The following ADORA2B variants were observed in gnomAD, a reference collection of about 807,000 sequenced individuals.
ADORA2B encodes adenosine receptor A2b.
Under a neutral mutation model 20.8 loss-of-function variants are expected in ADORA2B, and 18 were observed. The observed-to-expected ratio is 0.87, with a 90% confidence interval of 0.60 to 1.29. The LOEUF (loss-of-function observed/expected upper bound fraction) is 1.29. ADORA2B is among the 50% of genes most tolerant of loss of function. The pLI, the probability that ADORA2B is intolerant of heterozygous loss-of-function variation, is 0.00. For missense variants in ADORA2B, 441 were observed against 422.7 expected (o/e 1.04, Z -0.38); for synonymous variants, 179 against 178.3 (o/e 1.00, Z -0.03).
chr17:15,862,904 T>C, the ADORA2B span, among the ~76,000 whole-genome samples: 1 of 151,924 alleles, frequency 6.6e-6, no homozygotes, highest in Non-Finnish European at 1.5e-5. Flanking sequence ...TAGTAGTAGC[T>C]TTTTAATACA....
intron 1 of ADORA2B, among the ~76,000 whole-genome samples, chr17:15,963,063 A>G (rs1476630825): frequency 6.6e-6 from 1 of 152,168 alleles, no homozygotes; most frequent in East Asian, 1.9e-4. Flanking sequence ...CTACTGGAGT[A>G]TCCTTTTTTC....
the ADORA2B span, among the ~76,000 whole-genome samples, chr17:15,918,738 G>A: frequency 6.6e-5 from 10 of 152,184 alleles, no homozygotes; most frequent in Admixed American, 5.9e-4. Flanking sequence ...CCAAAGTGCT[G>A]GGATTCAGGT....
At chr17:15,871,842 CT>C in the ADORA2B span, among the ~76,000 whole-genome samples, 4 of 152,162 alleles carry the variant, frequency 2.6e-5, no homozygotes, top group Non-Finnish European at 4.4e-5. Flanking sequence ...GCTTTGTGTC[CT>C]TTCACTGTAA....
chr17:15,883,452 A>G, the ADORA2B span, among the ~76,000 whole-genome samples: 1 of 152,206 alleles, frequency 6.6e-6, no homozygotes. Context: ...TTTTCAAGCC[A>G]TGGTGGCAGG....
At chr17:15,944,458 G>GGAT (rs2151589708), upstream of ADORA2B, among the ~76,000 whole-genome samples, 1 of 152,316 alleles carries the variant, frequency 6.6e-6, no homozygotes, top group African/African-American at 2.4e-5. This position sits in a 1 kb window ranked among gnomAD's most constrained non-coding sequence, Gnocchi z 4.8. Context: ...CGGTGGACGA[G>GGAT]GATGGGACGG....
the ADORA2B span, among the ~76,000 whole-genome samples, chr17:15,891,723 C>T: frequency 1.3e-5 from 2 of 152,026 alleles, no homozygotes; most frequent in Admixed American, 1.3e-4. Context: ...GCTTTGTCAC[C>T]CAGGGTGGAG....
At chr17:15,934,190 C>A in the ADORA2B span, among the ~76,000 whole-genome samples, 5 of 151,998 alleles carry the variant, frequency 3.3e-5, no homozygotes, top group South Asian at 2.1e-4. Flanking sequence ...ACTTAGCATT[C>A]CTGAGATAAA....
the ADORA2B span, among the ~76,000 whole-genome samples, chr17:15,851,896 C>G: frequency 2.6e-5 from 4 of 152,172 alleles, no homozygotes; most frequent in Non-Finnish European, 4.4e-5. Flanking sequence ...CCCACTCATA[C>G]CATGCAAGGT....
At chr17:15,960,948 AC>A (rs765545393) in intron 1 of ADORA2B, among the ~76,000 whole-genome samples, 15 of 151,226 alleles carry the variant, frequency 9.9e-5, no homozygotes, top group Non-Finnish European at 1.6e-4. Context: ...CGGGCGATTC[AC>A]GAGTTCAGGA....
chr17:15,962,260 GCCACTGCACTC>G (rs1283521342), intron 1 of ADORA2B, among the ~76,000 whole-genome samples: 2 of 152,020 alleles, frequency 1.3e-5, no homozygotes, highest in African/African-American at 4.8e-5. Flanking sequence ...CCAAGATCGC[GCCACTGCACTC>G]CATCCTGGGC....
chr17:15,875,911 T>G, the ADORA2B span, among the ~76,000 whole-genome samples: 1 of 152,358 alleles, frequency 6.6e-6, no homozygotes, highest in African/African-American at 2.4e-5. Context: ...TAAATGTCAC[T>G]AATTCAACCC....
At chr17:15,896,560 A>G in the ADORA2B span, among the ~76,000 whole-genome samples, 1 of 152,220 alleles carries the variant, frequency 6.6e-6, no homozygotes, top group East Asian at 1.9e-4. Context: ...AAAATATAAT[A>G]GAGGGGTTGA....
At chr17:15,926,542 C>T in the ADORA2B span, among the ~76,000 whole-genome samples, 1 of 151,714 alleles carries the variant, frequency 6.6e-6, no homozygotes, top group Non-Finnish European at 1.5e-5. Context: ...CAGGGACATA[C>T]TGGTTCACTG....
the ADORA2B span, among the ~76,000 whole-genome samples, chr17:15,886,209 C>T: frequency 6.6e-6 from 1 of 152,182 alleles, no homozygotes; most frequent in South Asian, 2.1e-4. Context: ...ACTTTTGTCT[C>T]CCAGGCTCCC....
Position 15,974,869 on chromosome 17 carries a change from G to T in ADORA2B, c.526G>T (p.Val176Leu). 6.2e-7 allele frequency: 1 copy of T among 1,614,192 alleles called. No homozygotes were observed. Among genetic ancestry groups the T allele is most frequent in the South Asian group, 1.1e-5 (1 of 91,068 alleles). The change falls in exon 2 of 2, where the codon GTG (valine) becomes TTG (leucine). Residue 176 changes from valine to leucine, a missense_variant. Physicochemically the swap from Val to Leu is conservative, Grantham distance 32. Transcript: ENST00000304222. ...CCTTGTGAAGTGTCTCTTTGAGAAT[G>T]TGGTCCCCATGAGCTACATGGTATA... ...CCLVKCLFENVVPMSYMVYFN... is the reference protein window; with the variant it reads ...CCLVKCLFENLVPMSYMVYFN...
the ADORA2B span, among the ~76,000 whole-genome samples, chr17:15,883,831 A>G: frequency 1.3e-5 from 2 of 152,216 alleles, no homozygotes; most frequent in African/African-American, 2.4e-5. Flanking sequence ...GAAACACCCT[A>G]AATGCCTGCT....
At chr17:15,892,067 G>T in the ADORA2B span, among the ~76,000 whole-genome samples, 1 of 150,126 alleles carries the variant, frequency 6.7e-6, no homozygotes. Context: ...CCCCATGTTG[G>T]CCAGGCTGGT....
chr17:15,959,703 G>A (rs1402875108), intron 1 of ADORA2B, among the ~76,000 whole-genome samples: 3 of 152,136 alleles, frequency 2.0e-5, no homozygotes, highest in Admixed American at 1.3e-4. Flanking sequence ...GTTTTGCCAT[G>A]TTGGCCAGGC....
chr17:15,880,541 G>T, the ADORA2B span, among the ~76,000 whole-genome samples: 26 of 140,570 alleles, frequency 1.8e-4, no homozygotes, highest in Admixed American at 1.7e-3. Context: ...TCAGGGCTGT[G>T]CCTGGGAGCA....
Sources: allele counts gnomAD v4.1 joint callset (sites outside exome capture counted in the v4.1 genomes callset), GRCh38; gene constraint gnomAD v4.1.1; non-coding constraint Gnocchi (gnomAD v3.1); transcripts MANE v1.5; gene names NCBI Gene and HGNC (gene_info 2026-07-23, HGNC 2026-07-21).